NRAP: variants seen among roughly 807,000 people sequenced by gnomAD.
NRAP encodes the protein nebulin-related-anchoring protein.
NRAP carries 189 observed loss-of-function variants against 225.9 expected under a neutral mutation model. The observed-to-expected ratio is 0.84, with a 90% CI of 0.74 to 0.94. The LOEUF is 0.94. Among genes scored for constraint, NRAP ranks in the 40% least tolerant of loss-of-function variants. The probability of loss-of-function intolerance (pLI) is 0.00; values close to 1 mark genes in which losing one functional copy is unlikely to be tolerated. For synonymous variants in NRAP, 769 were observed against 790.7 expected (o/e 0.97, Z 0.46); for missense variants, 2,176 against 2,168.7 (o/e 1.00, Z -0.07).
rs1437922131 is a variant in NRAP at position 113,648,479 on chromosome 10, A to C, written c.889-1452T>G. On this transcript the variant is annotated intron_variant, in intron 9 of 41. Coordinates refer to ENST00000359988, the MANE Select transcript of NRAP (RefSeq NM_198060.4). ...TCTCTCTCTCTCTCTATATATATAT[A>C]TATATATATATGTTGTAAGTGTTAA... 7.6e-4 allele frequency among the ~76,000 whole-genome samples: 100 copies of C among 131,774 alleles called. 1 individual carries two copies. Among genetic ancestry groups the C allele is most frequent in the African/African-American group, 2.5e-3 (94 of 37,336 alleles). 86.4% of individuals were successfully genotyped at this position (131,774 alleles called of 152,430 possible).
Position 113,645,871 on chromosome 10 carries a change from T to C in NRAP, c.1064A>G (p.Asn355Ser). 6.2e-7 allele frequency: 1 copy of C among 1,611,234 alleles called. No homozygotes were observed. The highest frequency in any genetic ancestry group is 1.3e-5 in the African/African-American group (1 of 74,932). ...GCTCTGAGCCTGTTTGAGAACCAAG[T>C]TGTCTTGAGCTGGAAGCGAGTGATA... ...AHYHSLPAQD[N>S]LVLKQAQSVN... is the part of the protein sequence containing the mutation. The change falls in exon 11 of 42, where the codon AAC becomes AGC. Residue 355 changes from asparagine (N) to serine (S), a missense_variant. Around this residue, in one of 3 missense-constraint regions of NRAP, gnomAD observed 1,708 missense variants for 1,695.5 expected, o/e 1.01. Transcript: ENST00000359988.
intron 35 of NRAP, among the ~76,000 whole-genome samples, chr10:113,600,164 T>TCTCC (rs966654613): frequency 1.3e-5 from 2 of 149,370 alleles, no homozygotes; most frequent in African/African-American, 4.9e-5. Flanking sequence ...ATTCTCTCTC[T>TCTCC]CTCTCTCTCT....
Position 113,595,616 on chromosome 10 carries a change from C to A in NRAP, c.4536+7G>T. The A allele has an allele frequency of 6.4e-7, 1 of 1,573,354 alleles. No individual in the cohort carries two copies. Among genetic ancestry groups the A allele is most frequent in the Non-Finnish European group, 8.8e-7 (1 of 1,142,808 alleles). ...GCACACGTTCCATGAACCACCAGTT[C>A]ACTTACGTCACTCAGATGCAGCGCA... On this transcript the variant is annotated splice_region_variant and intron_variant, in intron 38 of 41. Coordinates refer to ENST00000359988, the MANE Select transcript of NRAP (RefSeq NM_198060.4).
rs1416541042 is a variant in NRAP at position 113,662,721 on chromosome 10, T to C, written c.213A>G (p.Pro71=). 6.2e-7 allele frequency: 1 copy of C among 1,602,198 alleles called. No homozygotes were observed. The highest frequency in any genetic ancestry group is 8.6e-7 in the Non-Finnish European group (1 of 1,169,176). The change falls in exon 3 of 42, where the codon CCA becomes CCG. Residue 71 remains proline, a synonymous_variant. Coordinates refer to ENST00000359988, the MANE Select transcript of NRAP (RefSeq NM_198060.4). ...GAAATGTCCTCACATTTAGATTTAATGGAGTGTGATAGACACTGGTGAAAG... is the reference window on the plus strand; with the variant it reads ...GAAATGTCCTCACATTTAGATTTAACGGAGTGTGATAGACACTGGTGAAAG... The part of the protein sequence containing the change: ...NNTFTSVYHT[P]LNLNVRTFPE...
At chr10:113,617,597 C>A in intron 25 of NRAP, 44 bp from the exon 26 acceptor site, 1 of 1,118,410 alleles carries the variant, frequency 8.9e-7, no homozygotes, top group South Asian at 1.2e-5. Flanking sequence ...TTGTGCTGCT[C>A]TTTCATGCCA....
At chr10:113,663,752 G>A (rs961328982) in intron 1 of NRAP, 59 bp downstream of exon 1, 15 of 1,194,074 alleles carry the variant, frequency 1.3e-5, no homozygotes, top group African/African-American at 4.5e-5. Context: ...GTCCATATGT[G>A]AGAAGGTCAA....
intron 11 of NRAP, among the ~76,000 whole-genome samples, chr10:113,644,202 G>A (rs1849372020): frequency 6.8e-6 from 1 of 146,842 alleles, no homozygotes; most frequent in Non-Finnish European, 1.5e-5. Context: ...TTCCTGGGTG[G>A]TAGAACTGCA....
At chr10:113,603,906 G>A (rs149300140) in intron 35 of NRAP, among the ~76,000 whole-genome samples, 209 of 152,024 alleles carry the variant, frequency 1.4e-3, no homozygotes, top group African/African-American at 4.8e-3. Flanking sequence ...ACACACACAC[G>A]CACACTCACA....
chr10:113,635,944 G>A (rs894410921), intron 14 of NRAP, among the ~76,000 whole-genome samples: 2 of 152,118 alleles, frequency 1.3e-5, no homozygotes, highest in Admixed American at 1.3e-4. Flanking sequence ...TCTCAGATGG[G>A]TCCTCACTCC....
chr10:113,589,209 CT>C, intron 41 of NRAP, 130 bp from the exon 42 acceptor site: 1 of 677,428 alleles, frequency 1.5e-6, no homozygotes, highest in Non-Finnish European at 2.5e-6. Flanking sequence ...TCCTTTTCCC[CT>C]CTTCTACCCT....
intron 16 of NRAP, among the ~76,000 whole-genome samples, chr10:113,632,687 A>C (rs1848640099): frequency 6.6e-6 from 1 of 152,194 alleles, no homozygotes; most frequent in African/African-American, 2.4e-5. Flanking sequence ...TGCCCCCAAA[A>C]TTCCATCTAG....
At position 113,650,763 on chromosome 10, in the gene NRAP, T is replaced by C. The variant is rs181273734; in HGVS notation, c.676-218A>G. 5.9e-5 allele frequency among the ~76,000 whole-genome samples: 9 copies of C among 152,260 alleles called. No individual in the cohort carries two copies. In the East Asian group the frequency reaches 1.6e-3, roughly 26 times the overall value. On this transcript the variant is annotated intron_variant, in intron 7 of 41. Coordinates refer to ENST00000359988, the MANE Select transcript of NRAP (RefSeq NM_198060.4). ...GCACATGGAGACACCCAATGTGGAG[T>C]TCAACACATGCTTGCTAAGCACCTG...
chr10:113,632,638 G>C (rs1161958889), intron 16 of NRAP, among the ~76,000 whole-genome samples: 1 of 150,472 alleles, frequency 6.6e-6, no homozygotes, highest in Non-Finnish European at 1.5e-5. Context: ...GGATAGAACA[G>C]GCATTTAAAC....
intron 35 of NRAP, among the ~76,000 whole-genome samples, chr10:113,598,346 C>T (rs188602923): frequency 6.0e-5 from 9 of 150,076 alleles, no homozygotes; most frequent in South Asian, 4.4e-4. Context: ...CCTATGTGGA[C>T]GATCGCATAA....
intron 14 of NRAP, among the ~76,000 whole-genome samples, chr10:113,637,137 T>C (rs1469663025): frequency 6.6e-6 from 1 of 152,228 alleles, no homozygotes; most frequent in African/African-American, 2.4e-5. Context: ...ATTTCATTTT[T>C]GCCTGTCCTA....
At chr10:113,653,709 G>A (rs1007670239) in intron 5 of NRAP, among the ~76,000 whole-genome samples, 1 of 152,160 alleles carries the variant, frequency 6.6e-6, no homozygotes, top group Non-Finnish European at 1.5e-5. Flanking sequence ...TTGGAGGTCA[G>A]TACTTTAAAA....
rs574003797 is a variant in NRAP at position 113,589,738 on chromosome 10, G to T, written c.5016C>A (p.Ser1672=). The T allele has an allele frequency of 6.2e-7, 1 of 1,614,068 alleles. No individual in the cohort carries two copies. Among genetic ancestry groups the T allele is most frequent in the African/African-American group, 1.3e-5 (1 of 74,930 alleles). The change falls in exon 41 of 42, where the codon TCC becomes TCA. Residue 1672 remains serine, a synonymous_variant. Coordinates refer to ENST00000359988, the MANE Select transcript of NRAP (RefSeq NM_198060.4). ...CCCGCCGAGCCATTTCCACTTTGTAGGAGCCAGGAGGGGTCCAGCCAACAC... is the reference window on the plus strand; with the variant it reads ...CCCGCCGAGCCATTTCCACTTTGTATGAGCCAGGAGGGGTCCAGCCAACAC... ...TRGVGWTPPG[S]YKVEMARRAA... is the part of the protein sequence containing the mutation.
chr10:113,637,914 C>T (rs1414378770), intron 14 of NRAP, among the ~76,000 whole-genome samples: 1 of 107,478 alleles, frequency 9.3e-6, no homozygotes, highest in African/African-American at 3.1e-5. Flanking sequence ...AAGAGTGAAA[C>T]TCTGTCTCAA....
In NRAP at chr10:113,589,027, G is replaced by T; in HGVS notation, c.5141C>A (p.Pro1714Gln). 6.2e-7 allele frequency: 1 copy of T among 1,613,990 alleles called. No homozygotes were observed. Among genetic ancestry groups the T allele is most frequent in the Non-Finnish European group, 8.5e-7 (1 of 1,179,988 alleles). Residue 1714 changes from proline to glutamine, a missense_variant, in exon 42 of 42, where the codon CCA becomes CAA. Pro to Gln is a moderately conservative substitution (Grantham distance 76). This residue lies in a region of NRAP where 445 missense variants were observed against 426.1 expected (regional missense o/e 1.04). Transcript: ENST00000359988. The stretch of plus-strand genomic sequence containing the variant: ...GACGTGCAGAATCTCAGTGGCATCT[G>T]GGTTCACCTCCCCACTCTGATGATC... ...AGDHQSGEVN[P>Q]DATEILHVKK...
Sources: gnomAD v4.1 joint callset for allele counts (sites outside exome capture counted in the v4.1 genomes callset) on GRCh38, gnomAD v4.1.1 for gene constraint, gnomAD v4.1.1 regional missense constraint, MANE v1.5 for transcripts, NCBI Gene and HGNC (gene_info 2026-07-23, HGNC 2026-07-21) for gene names.